The following MGMT variants were observed in gnomAD, a reference collection of about 807,000 sequenced individuals.
MGMT encodes the protein methylated-DNA--protein-cysteine methyltransferase.
In MGMT, 14 loss-of-function variants were observed where a neutral mutation model predicts 15.9. The ratio of observed to expected loss-of-function variants is 0.88; its 90% confidence interval spans 0.58 to 1.37. The LOEUF (loss-of-function observed/expected upper bound fraction) is 1.37. Among genes scored for constraint, MGMT ranks in the 40% most tolerant of loss-of-function variants. MGMT has a pLI of 0.00. For synonymous variants in MGMT, 130 were observed against 118.2 expected, an observed-to-expected ratio of 1.10 and a Z score of -0.65; for missense variants, 282 against 268.1, an observed-to-expected ratio of 1.05 and a Z score of -0.36.
chr10:129,640,525 T>C (rs1009899559), intron 2 of MGMT, among the ~76,000 whole-genome samples: 4 of 152,232 alleles, frequency 2.6e-5, no homozygotes, highest in East Asian at 1.9e-4. Context: ...GTTGTCTTCA[T>C]TGGGGAATTC....
chr10:129,649,212 T>G (rs919028729), intron 2 of MGMT, among the ~76,000 whole-genome samples: 4 of 152,186 alleles, frequency 2.6e-5, no homozygotes, highest in Non-Finnish European at 4.4e-5. Context: ...GTTATCTGTT[T>G]GAGTTTTTGC....
intron 1 of MGMT, among the ~76,000 whole-genome samples, chr10:129,528,459 C>CAG (rs1370451628): frequency 2.7e-5 from 4 of 150,770 alleles, no homozygotes; most frequent in African/African-American, 7.4e-5. Context: ...GGGAAGGAGA[C>CAG]AGCAGTAGCA....
chr10:129,755,036 C>T (rs1236141464), intron 3 of MGMT, among the ~76,000 whole-genome samples: 1 of 152,222 alleles, frequency 6.6e-6, no homozygotes, highest in East Asian at 1.9e-4. Context: ...GAAGCCCATT[C>T]ATCTTTTCCA....
chr10:129,624,717 C>G (rs755151392), intron 2 of MGMT, among the ~76,000 whole-genome samples: 1 of 152,320 alleles, frequency 6.6e-6, no homozygotes, highest in African/African-American at 2.4e-5. Context: ...GCGAGGACTT[C>G]GGAAGTCAGT....
chr10:129,634,918 G>A (rs767826342), intron 2 of MGMT, among the ~76,000 whole-genome samples: 2 of 152,076 alleles, frequency 1.3e-5, no homozygotes, highest in African/African-American at 4.8e-5. Context: ...TTGAGTTCTG[G>A]TTATTTCTGC....
At chr10:129,549,683 A>AG (rs779386382) in intron 2 of MGMT, among the ~76,000 whole-genome samples, 68 of 152,282 alleles carry the variant, frequency 4.5e-4, no homozygotes, top group Non-Finnish European at 8.5e-4. Flanking sequence ...TTGCTGGTTA[A>AG]GCAGTCTAGA....
chr10:129,735,466 T>A (rs1455941002), intron 3 of MGMT, among the ~76,000 whole-genome samples: 2 of 152,214 alleles, frequency 1.3e-5, no homozygotes, highest in African/African-American at 4.8e-5. Flanking sequence ...TCTTTATTAG[T>A]CTTGCTAGCG....
At chr10:129,665,053 C>T (rs964756930) in intron 2 of MGMT, among the ~76,000 whole-genome samples, 3 of 149,076 alleles carry the variant, frequency 2.0e-5, no homozygotes, top group African/African-American at 7.4e-5. Flanking sequence ...TGAACATACA[C>T]TTACCATATG....
At chr10:129,598,951 C>G (rs896492392) in intron 2 of MGMT, among the ~76,000 whole-genome samples, 6 of 152,174 alleles carry the variant, frequency 3.9e-5, no homozygotes, top group Non-Finnish European at 7.3e-5. Context: ...GTCTCCAGCC[C>G]TTCCCTTTTT....
Position 129,707,941 on chromosome 10 carries a change from C to G in MGMT, c.172C>G (p.Pro58Ala). Reference sequence around the variant, plus strand: ...CGCTGCGGTTCTCGGAGGTCCGGAGCCCCTGATGCAGTGCACAGCCTGGCT... The same window carrying G: ...CGCTGCGGTTCTCGGAGGTCCGGAGGCCCTGATGCAGTGCACAGCCTGGCT... ...APAAVLGGPEPLMQCTAWLNA... is the reference protein window; with the variant it reads ...APAAVLGGPEALMQCTAWLNA... Residue 58 changes from proline (P) to alanine (A), a missense_variant, in exon 3 of 5, where the codon CCC becomes GCC. Coordinates refer to ENST00000651593, the MANE Select transcript of MGMT (RefSeq NM_002412.5). 6.2e-7 allele frequency: 1 copy of G among 1,612,820 alleles called. No homozygotes were observed. Among genetic ancestry groups the G allele is most frequent in the Non-Finnish European group, 8.5e-7 (1 of 1,179,994 alleles).
chr10:129,495,673 C>T (rs1437526571), intron 1 of MGMT, among the ~76,000 whole-genome samples: 1 of 152,182 alleles, frequency 6.6e-6, no homozygotes, highest in Non-Finnish European at 1.5e-5. Context: ...GGCAGAGAAA[C>T]GATTGCATGG....
chr10:129,467,896 ATG>A (rs1845187672), intron 1 of MGMT, among the ~76,000 whole-genome samples: 2 of 152,206 alleles, frequency 1.3e-5, no homozygotes, highest in African/African-American at 4.8e-5. Context: ...GTTCTGAACT[ATG>A]TATTTCGCAC....
intron 2 of MGMT, among the ~76,000 whole-genome samples, chr10:129,554,498 A>G (rs1394768360): frequency 7.9e-5 from 12 of 151,946 alleles, no homozygotes; most frequent in Admixed American, 7.9e-4. Context: ...TGGTATTTTA[A>G]CTGTCTATGT....
intron 2 of MGMT, among the ~76,000 whole-genome samples, chr10:129,546,229 TCAGGGGCAGA>T (rs752574185): frequency 2.6e-5 from 4 of 152,218 alleles, no homozygotes; most frequent in East Asian, 1.9e-4. Flanking sequence ...CAAGCCCAGC[TCAGGGGCAGA>T]CAGGGGCAGA....
chr10:129,768,766 C>T lies in MGMT; in HGVS notation c.*1769C>T, dbSNP rs906370457. On this transcript the variant is annotated 3_prime_UTR_variant, in exon 5 of 5. Transcript: ENST00000651593. Reference sequence around the variant, plus strand: ...TGTGGAGACCCCAGCACCACTTCCCCTGCTGGAGGATGGATTTGAAGGAGG... The same window carrying T: ...TGTGGAGACCCCAGCACCACTTCCCTTGCTGGAGGATGGATTTGAAGGAGG... 1 of 152,404 alleles carries T rather than the reference C, an allele frequency of 6.6e-6. No homozygotes were observed. Among genetic ancestry groups the T allele is most frequent in the Non-Finnish European group, 1.5e-5 (1 of 68,164 alleles). The allele number at this position is 152,404 out of a possible 1,614,324, so 9.4% of individuals were successfully genotyped here. A position where few individuals can be genotyped will look rare whatever the true frequency, so the allele number is the denominator to read the frequency against.
intron 2 of MGMT, among the ~76,000 whole-genome samples, chr10:129,612,792 G>A (rs1218648513): frequency 1.3e-5 from 2 of 152,120 alleles, no homozygotes; most frequent in African/African-American, 4.8e-5. Context: ...TCTTCGTTTC[G>A]GCATCTCTGT....
intron 2 of MGMT, among the ~76,000 whole-genome samples, chr10:129,661,251 G>A (rs973311258): frequency 1.3e-5 from 2 of 151,374 alleles, no homozygotes; most frequent in Non-Finnish European, 2.9e-5. Flanking sequence ...GAACATTTGT[G>A]TATGTCTGTA....
chr10:129,759,948 G>A (rs1255403897), intron 4 of MGMT, among the ~76,000 whole-genome samples: 1 of 152,212 alleles, frequency 6.6e-6, no homozygotes, highest in African/African-American at 2.4e-5. Flanking sequence ...CACCAGGGAT[G>A]GCGCCCTCCC....
At chr10:129,491,235 G>A (rs867691800) in intron 1 of MGMT, among the ~76,000 whole-genome samples, 5 of 152,068 alleles carry the variant, frequency 3.3e-5, no homozygotes, top group Non-Finnish European at 7.4e-5. Context: ...GTTATTGATT[G>A]TTGAGTTAGC....
Sources: allele counts gnomAD v4.1 joint callset (sites outside exome capture counted in the v4.1 genomes callset), GRCh38; gene constraint gnomAD v4.1.1; transcripts MANE v1.5; gene names NCBI Gene and HGNC (gene_info 2026-07-23, HGNC 2026-07-21).